EPHA4: variants seen among roughly 807,000 people sequenced by gnomAD.
EPHA4 encodes EPH receptor A4, also known as ephrin type-A receptor 4.
A neutral mutation model predicts 108.3 loss-of-function variants in EPHA4; 19 were observed. The observed-to-expected ratio is 0.18, with a 90% CI of 0.12 to 0.26. The LOEUF (loss-of-function observed/expected upper bound fraction) is 0.26, where lower values mean the gene tolerates loss of function less well. Among genes scored for constraint, EPHA4 ranks in the 10% least tolerant of loss-of-function variants. The probability of loss-of-function intolerance (pLI) is 1.00; values close to 1 mark genes in which losing one functional copy is unlikely to be tolerated. For synonymous variants in EPHA4, 449 were observed against 455.5 expected (o/e 0.99, Z 0.18); for missense variants, 917 against 1,254.0 (o/e 0.73, Z 4.06).
At chr2:221,456,822 G>A in intron 6 of EPHA4, 50 bp from the exon 7 acceptor site, 1 of 1,603,026 alleles carries the variant, frequency 6.2e-7, no homozygotes, top group Non-Finnish European at 8.5e-7. Flanking sequence ...TAAATCTCCT[G>A]CTTACTTACT....
chr2:221,498,790 CTTTTTTTTTTTTTTTT>C (rs757231773), intron 4 of EPHA4, among the ~76,000 whole-genome samples: 2 of 135,668 alleles, frequency 1.5e-5, no homozygotes, highest in Non-Finnish European at 3.2e-5. Context: ...TTTTTTTTTT[CTTTTTTTTTTTTTTTT>C]TGAGACGACA....
rs781050409 is a variant in EPHA4 at position 221,426,012 on chromosome 2, T to C, written c.*16A>G. 1 of 1,609,964 alleles carries C rather than the reference T, an allele frequency of 6.2e-7. No homozygotes were observed. Among genetic ancestry groups the C allele is most frequent in the Admixed American group, 1.7e-5 (1 of 59,910 alleles). On this transcript the variant is annotated 3_prime_UTR_variant, in exon 17 of 18. Transcript: ENST00000281821. ...GTAAACTAATTTCAAGAGTTTTGAGTTTATTCAGTACTGGCTCAGACGGGA... is the reference window on the plus strand; with the variant it reads ...GTAAACTAATTTCAAGAGTTTTGAGCTTATTCAGTACTGGCTCAGACGGGA...
At chr2:221,529,368 C>T (rs1281585624) in intron 3 of EPHA4, among the ~76,000 whole-genome samples, 1 of 152,158 alleles carries the variant, frequency 6.6e-6, no homozygotes, top group Admixed American at 6.5e-5. Flanking sequence ...ACTGAGTAGA[C>T]AGCTTCCTCT....
Position 221,472,244 on chromosome 2 carries a change from C to T in EPHA4, c.1318+10108G>A, listed in dbSNP as rs138345704. 6.5e-3 allele frequency among the ~76,000 whole-genome samples: 956 copies of T among 146,004 alleles called. 14 individuals are homozygous for T. Among genetic ancestry groups the T allele is most frequent in the African/African-American group, 0.022 (875 of 39,654 alleles). ...CCTAGCTTTGAAAAAGAAACATGAA[C>T]GAAACTGTGCTCCTATTTAACTTCA... On this transcript the variant is annotated intron_variant, in intron 5 of 17. Coordinates refer to ENST00000281821, the MANE Select transcript of EPHA4 (RefSeq NM_004438.5).
chr2:221,533,633 A>G (rs1349602121), intron 3 of EPHA4, among the ~76,000 whole-genome samples: 1 of 151,358 alleles, frequency 6.6e-6, no homozygotes, highest in Non-Finnish European at 1.5e-5. Flanking sequence ...TTCAAAACAT[A>G]TATAATAATG....
In EPHA4 at chr2:221,426,587, G is replaced by A; in HGVS notation, c.2723C>T (p.Pro908Leu). 6.2e-7 allele frequency: 1 copy of A among 1,613,810 alleles called. No individual in the cohort carries two copies. Among genetic ancestry groups the A allele is most frequent in the Non-Finnish European group, 8.5e-7 (1 of 1,179,950 alleles). Residue 908 changes from proline (P) to leucine (L), a missense_variant, in exon 16 of 18, where the codon CCT becomes CTT. This residue lies in a region of EPHA4 where 133 missense variants were observed against 132.8 expected (regional missense o/e 1.00). Transcript: ENST00000281821. ...PNTALLDPSS[P>L]EFSAVVSVGD... is the part of the protein sequence containing the mutation. ...CACTGATACCACAGCAGAGAATTCA[G>A]GGGAGCTTGGATCCAACAAGGCAGT... is the stretch of plus-strand genomic sequence containing the variant.
intron 3 of EPHA4, among the ~76,000 whole-genome samples, chr2:221,528,096 G>A (rs1693397828): frequency 7.0e-6 from 1 of 142,280 alleles, no homozygotes; most frequent in African/African-American, 2.6e-5. Flanking sequence ...TTAAAACATA[G>A]AGTTATGCCT....
At chr2:221,422,747 T>C (rs1240268067) in intron 17 of EPHA4, among the ~76,000 whole-genome samples, 1 of 152,234 alleles carries the variant, frequency 6.6e-6, no homozygotes, top group Non-Finnish European at 1.5e-5. Flanking sequence ...TCATTGTGAC[T>C]AAATAAACAA....
chr2:221,440,604 G>C (rs533003269), intron 11 of EPHA4, among the ~76,000 whole-genome samples: 6 of 142,300 alleles, frequency 4.2e-5, no homozygotes, highest in African/African-American at 1.6e-4. Context: ...TCTCACCAAG[G>C]TTCCTTTTTT....
At chr2:221,467,184 G>C (rs1023270047) in intron 5 of EPHA4, among the ~76,000 whole-genome samples, 2 of 152,208 alleles carry the variant, frequency 1.3e-5, no homozygotes, top group African/African-American at 2.4e-5. Flanking sequence ...TTTGGAATTA[G>C]AGAAGGGGTA....
At chr2:221,437,774 T>A (rs1325531876) in intron 11 of EPHA4, among the ~76,000 whole-genome samples, 7 of 110,502 alleles carry the variant, frequency 6.3e-5, no homozygotes, top group South Asian at 4.9e-4. Flanking sequence ...AAAAAAAAAA[T>A]TTGCCAAGCA....
chr2:221,501,924 T>C (rs1481430926), intron 3 of EPHA4, among the ~76,000 whole-genome samples: 1 of 152,156 alleles, frequency 6.6e-6, no homozygotes, highest in African/African-American at 2.4e-5. Flanking sequence ...ATATTTTGTG[T>C]CTATTTTCAA....
intron 4 of EPHA4, 101 bp downstream of exon 4, chr2:221,500,916 C>T: frequency 8.1e-7 from 1 of 1,231,716 alleles, no homozygotes; most frequent in Middle Eastern, 2.1e-4. Context: ...ATCTCAAGTG[C>T]CCCCTGAATG....
At chr2:221,565,915 A>G (rs1574664904) in intron 2 of EPHA4, among the ~76,000 whole-genome samples, 1 of 152,178 alleles carries the variant, frequency 6.6e-6, no homozygotes, top group East Asian at 1.9e-4. Flanking sequence ...GGGTATCTCT[A>G]CAGAGTTCAT....
chr2:221,483,733 C>T (rs1691900069), intron 4 of EPHA4, among the ~76,000 whole-genome samples: 1 of 152,122 alleles, frequency 6.6e-6, no homozygotes, highest in Non-Finnish European at 1.5e-5. Context: ...CTCCTGATTT[C>T]AAGTGATCGG....
At chr2:221,540,168 C>T (rs1460128619) in intron 3 of EPHA4, among the ~76,000 whole-genome samples, 2 of 152,178 alleles carry the variant, frequency 1.3e-5, no homozygotes, top group Non-Finnish European at 2.9e-5. Context: ...GATCTGCCCG[C>T]CTCGTCCTCC....
chr2:221,568,917 G>T, intron 1 of EPHA4, 132 bp from the exon 2 acceptor site: 1 of 559,944 alleles, frequency 1.8e-6, no homozygotes, highest in Non-Finnish European at 3.0e-6. Flanking sequence ...CTAAACTTGG[G>T]CTCACTTATG....
chr2:221,461,533 G>C (rs1691143872), intron 5 of EPHA4, among the ~76,000 whole-genome samples: 1 of 152,118 alleles, frequency 6.6e-6, no homozygotes, highest in East Asian at 1.9e-4. Flanking sequence ...CTCAGTGGCT[G>C]CTCAGTTCTT....
At chr2:221,482,781 A>C in intron 4 of EPHA4, 91 bp from the exon 5 acceptor site, 1 of 1,244,952 alleles carries the variant, frequency 8.0e-7, no homozygotes, top group Non-Finnish European at 1.1e-6. Flanking sequence ...AGCTCTCCAA[A>C]GCAAGGCAAA....
Sources: allele counts gnomAD v4.1 joint callset (sites outside exome capture counted in the v4.1 genomes callset), GRCh38; gene constraint gnomAD v4.1.1; regional missense constraint gnomAD v4.1.1; transcripts MANE v1.5; gene names NCBI Gene and HGNC (gene_info 2026-07-23, HGNC 2026-07-21).